Variants in NPAS3 observed in about 807,000 individuals in gnomAD.
NPAS3 encodes neuronal PAS domain protein 3, also known as neuronal PAS domain-containing protein 3.
Under a neutral mutation model 73.1 loss-of-function variants are expected in NPAS3, and 14 were observed. The ratio of observed to expected loss-of-function variants is 0.19; its 90% CI spans 0.13 to 0.30. The LOEUF is 0.30. NPAS3 is among the 10% of genes least tolerant of loss of function. The pLI, the probability that NPAS3 is intolerant of heterozygous loss-of-function variation, is 1.00. For synonymous variants in NPAS3, 620 were observed against 541.5 expected (o/e 1.14, Z -2.01); for missense variants, 1,096 against 1,250.0 (o/e 0.88, Z 1.86).
intron 6 of NPAS3, among the ~76,000 whole-genome samples, chr14:33,709,342 G>A (rs1014953408): frequency 7.2e-5 from 11 of 152,070 alleles, no homozygotes; most frequent in South Asian, 2.1e-4. Flanking sequence ...GTCCCACCCC[G>A]AAGGCTGATG....
At chr14:33,010,925 C>T (rs147105988) in intron 1 of NPAS3, among the ~76,000 whole-genome samples, 4,046 of 137,090 alleles carry the variant, frequency 0.03, 106 homozygotes, top group Non-Finnish European at 0.04. Flanking sequence ...AGTGACAGAG[C>T]CAGAACCTGT....
intron 3 of NPAS3, among the ~76,000 whole-genome samples, chr14:33,248,481 C>T (rs1015682026): frequency 4.6e-5 from 7 of 151,920 alleles, no homozygotes; most frequent in African/African-American, 1.7e-4. Flanking sequence ...CAGTATTTTG[C>T]ATGGTTAAAG....
At chr14:33,293,378 A>T (rs988018591) in intron 3 of NPAS3, among the ~76,000 whole-genome samples, 3 of 152,170 alleles carry the variant, frequency 2.0e-5, no homozygotes, top group African/African-American at 7.2e-5. Context: ...TTCTCAATAA[A>T]CATTTATTGA....
intron 2 of NPAS3, among the ~76,000 whole-genome samples, chr14:33,094,436 A>G (rs2042336110): frequency 6.6e-6 from 1 of 151,300 alleles, no homozygotes. Context: ...TTGTGGCTGC[A>G]TGTTTTATCT....
intron 3 of NPAS3, among the ~76,000 whole-genome samples, chr14:33,265,241 G>A (rs925663460): frequency 2.0e-5 from 3 of 152,066 alleles, no homozygotes; most frequent in Admixed American, 6.6e-5. Context: ...CTAACACTTC[G>A]GACTTCTGAA....
chr14:33,535,297 A>G (rs1010392517), intron 4 of NPAS3, among the ~76,000 whole-genome samples: 8 of 152,206 alleles, frequency 5.3e-5, no homozygotes, highest in Non-Finnish European at 1.2e-4. Flanking sequence ...CTTTCTAAAT[A>G]GGCGCAAAAT....
At chr14:33,379,362 A>C (rs944926327) in intron 4 of NPAS3, among the ~76,000 whole-genome samples, 5 of 152,198 alleles carry the variant, frequency 3.3e-5, no homozygotes, top group Admixed American at 6.5e-5. Flanking sequence ...CAAAGTTGAC[A>C]GACAATCATA....
rs112211406 is a variant in NPAS3 at position 33,236,189 on chromosome 14, G to C, written c.385+20763G>C. Among the ~76,000 whole-genome samples, 579 of 152,058 alleles carry C rather than the reference G, an allele frequency of 3.8e-3. 5 individuals carry two copies. The highest frequency in any genetic ancestry group is 5.9e-3 in the Non-Finnish European group (404 of 67,956). ...ACTGAAAAAAAACCAAAGAGGAAAG[G>C]ATTGTTTTTAGATGCTTGTGCTTGT... On this transcript the variant is annotated intron_variant, in intron 3 of 11. Transcript: ENST00000356141.
At chr14:33,549,027 A>T (rs908294003) in intron 4 of NPAS3, among the ~76,000 whole-genome samples, 5 of 152,214 alleles carry the variant, frequency 3.3e-5, no homozygotes, top group Non-Finnish European at 7.3e-5. Context: ...GAACATGTTT[A>T]TATTTATTTA....
intron 7 of NPAS3, among the ~76,000 whole-genome samples, chr14:33,743,273 T>C (rs1444845238): frequency 2.0e-5 from 3 of 152,240 alleles, no homozygotes; most frequent in Non-Finnish European, 4.4e-5. Context: ...CTCTTTAATC[T>C]ATGGGTTGCA....
chr14:33,631,177 C>T (rs528287049), intron 5 of NPAS3, among the ~76,000 whole-genome samples: 12 of 152,274 alleles, frequency 7.9e-5, no homozygotes, highest in African/African-American at 2.6e-4. Context: ...TTTGGAGCTT[C>T]TTTAGAGCTG....
chr14:33,525,733 G>T (rs2053769024), intron 4 of NPAS3, among the ~76,000 whole-genome samples: 1 of 152,126 alleles, frequency 6.6e-6, no homozygotes, highest in Non-Finnish European at 1.5e-5. Context: ...TATTAATGGG[G>T]AGAAGTTGTT....
chr14:33,796,899 G>C (rs1031938133), intron 10 of NPAS3, among the ~76,000 whole-genome samples: 3 of 152,220 alleles, frequency 2.0e-5, no homozygotes, highest in African/African-American at 7.2e-5. Context: ...AAATGTGATT[G>C]TAATGGGTGT....
Position 32,969,138 on chromosome 14 carries a change from T to C in NPAS3, c.50+29772T>C, listed in dbSNP as rs1352496207. ...AGGCCTTAGTTCCTTGTGGCTGTCC[T>C]GGTAGTCTCAGTCCCTCACCTCCTA... On this transcript the variant is annotated intron_variant, in intron 1 of 11. Coordinates refer to ENST00000356141, the Ensembl canonical transcript of NPAS3. Among the ~76,000 whole-genome samples the C allele has an allele frequency of 2.0e-5, 3 of 152,328 alleles. No individual in the cohort carries two copies. The South Asian group carries it at 6.2e-4, about 32-fold the overall frequency.
At chr14:33,664,348 C>T (rs2059392607) in intron 5 of NPAS3, among the ~76,000 whole-genome samples, 1 of 152,144 alleles carries the variant, frequency 6.6e-6, no homozygotes, top group African/African-American at 2.4e-5. Context: ...CCTTTCCTTA[C>T]ACCTTATACA....
chr14:33,686,587 A>AAAAC (rs1450736090), intron 6 of NPAS3, among the ~76,000 whole-genome samples: 1 of 152,090 alleles, frequency 6.6e-6, no homozygotes, highest in South Asian at 2.1e-4. Context: ...TATTTCTCAC[A>AAAAC]AAACACTATT....
intron 1 of NPAS3, among the ~76,000 whole-genome samples, chr14:33,004,817 C>CT: frequency 0.47 from 30,355 of 64,572 alleles, 7,365 homozygotes; most frequent in African/African-American, 0.62. Flanking sequence ...AAAAGTTTTC[C>CT]TTTTTTTTTT....
chr14:33,795,158 TG>T (rs1221159472), intron 10 of NPAS3, among the ~76,000 whole-genome samples: 2 of 152,242 alleles, frequency 1.3e-5, no homozygotes, highest in Non-Finnish European at 2.9e-5. Context: ...TGAATGTGCT[TG>T]CTACCAACAG....
At chr14:33,600,210 T>C (rs1276106495) in intron 5 of NPAS3, among the ~76,000 whole-genome samples, 1 of 152,196 alleles carries the variant, frequency 6.6e-6, no homozygotes, top group African/African-American at 2.4e-5. Flanking sequence ...AAATATTAAG[T>C]CTTTGAAAAA....
Sources: gnomAD v4.1 joint callset for allele counts (sites outside exome capture counted in the v4.1 genomes callset) on GRCh38, gnomAD v4.1.1 for gene constraint, MANE v1.5 for transcripts, NCBI Gene and HGNC (gene_info 2026-07-23, HGNC 2026-07-21) for gene names.